The following KCNIP1 variants were observed in gnomAD, a reference collection of about 807,000 sequenced individuals.
The protein encoded by KCNIP1 is A-type potassium channel modulatory protein KCNIP1.
A neutral mutation model predicts 33.0 loss-of-function variants in KCNIP1; 18 were observed. The ratio of observed to expected loss-of-function variants is 0.55; its 90% CI spans 0.38 to 0.81. The LOEUF (loss-of-function observed/expected upper bound fraction) is 0.81, where lower values mean the gene tolerates loss of function less well. Ranked by LOEUF, KCNIP1 falls within the 30% of genes least tolerant of loss-of-function variation. The pLI is 0.00. For synonymous variants in KCNIP1, 93 were observed against 98.3 expected, an observed-to-expected ratio of 0.95 and a Z score of 0.32; for missense variants, 238 against 271.6, an observed-to-expected ratio of 0.88 and a Z score of 0.87.
At chr5:170,456,776 T>C (rs150734582) in intron 1 of KCNIP1, among the ~76,000 whole-genome samples, 2,406 of 143,848 alleles carry the variant, frequency 0.017, 68 homozygotes, top group African/African-American at 0.06. Flanking sequence ...TGGAGTGCAG[T>C]GGTGCAATCA....
chr5:170,704,920 CCT>C (rs1763207596), intron 1 of KCNIP1, among the ~76,000 whole-genome samples: 1 of 152,150 alleles, frequency 6.6e-6, no homozygotes, highest in Non-Finnish European at 1.5e-5. Flanking sequence ...GGCAGTATTT[CCT>C]CTTTTTATGA....
At chr5:170,499,688 A>G (rs971542767), upstream of KCNIP1, among the ~76,000 whole-genome samples, 1 of 152,108 alleles carries the variant, frequency 6.6e-6, no homozygotes, top group African/African-American at 2.4e-5. Flanking sequence ...GGGAGGAAGG[A>G]GGCAGCAGGG....
intron 4 of KCNIP1, 144 bp from the exon 5 acceptor site, chr5:170,722,569 C>T (rs2277952): frequency 0.74 from 493,549 of 668,782 alleles, 183,150 homozygotes; most frequent in East Asian, 0.84. Flanking sequence ...GAGCTCTTCA[C>T]AGAGCATAGC....
intron 1 of KCNIP1, among the ~76,000 whole-genome samples, chr5:170,676,556 C>T (rs191724736): frequency 6.2e-4 from 94 of 152,216 alleles, no homozygotes; most frequent in South Asian, 1.2e-3. Flanking sequence ...ATTTTAATAC[C>T]GACTGCAGCA....
intron 1 of KCNIP1, among the ~76,000 whole-genome samples, chr5:170,555,614 A>T (rs1756818683): frequency 6.6e-6 from 1 of 152,092 alleles, no homozygotes; most frequent in Non-Finnish European, 1.5e-5. Flanking sequence ...GCTCTGCCCC[A>T]AACAATTTGT....
chr5:170,565,931 T>C (rs893203184), intron 1 of KCNIP1, among the ~76,000 whole-genome samples: 2 of 152,234 alleles, frequency 1.3e-5, no homozygotes, highest in East Asian at 1.9e-4. Flanking sequence ...AAATGCAGGA[T>C]ATTATTAGCA....
At position 170,623,952 on chromosome 5, in the gene KCNIP1, G is replaced by A. The variant is rs376891740; in HGVS notation, c.62-94806G>A. ...CCAGCCTTCACTCCACGCCCAGCCA[G>A]CCCCAAGGAACCGACTCCCTGAGGC... On this transcript the variant is annotated intron_variant, in intron 1 of 7. Transcript: ENST00000328939. 1.1e-4 allele frequency among the ~76,000 whole-genome samples: 17 copies of A among 152,274 alleles called. No homozygotes were observed. In the South Asian group the frequency reaches 3.3e-3, roughly 30 times the overall value.
intron 1 of KCNIP1, among the ~76,000 whole-genome samples, chr5:170,625,483 C>T (rs113230996): frequency 6.6e-6 from 1 of 152,220 alleles, no homozygotes; most frequent in African/African-American, 2.4e-5. Context: ...TGGGCTGTGA[C>T]CTGCGGGGGC....
At chr5:170,644,737 G>T (rs1455762929) in intron 1 of KCNIP1, among the ~76,000 whole-genome samples, 1 of 152,206 alleles carries the variant, frequency 6.6e-6, no homozygotes, top group East Asian at 1.9e-4. Context: ...GCTCTGTAAG[G>T]CCCCCAGAAT....
At chr5:170,435,142 C>G (rs1416663890) in intron 1 of KCNIP1, among the ~76,000 whole-genome samples, 8 of 152,230 alleles carry the variant, frequency 5.3e-5, no homozygotes, top group African/African-American at 1.7e-4. Context: ...GGAGCCGGCC[C>G]TGGCCAGTTG....
intron 5 of KCNIP1, among the ~76,000 whole-genome samples, chr5:170,724,700 C>A (rs900317098): frequency 3.3e-5 from 5 of 151,998 alleles, no homozygotes; most frequent in Non-Finnish European, 7.4e-5. Context: ...AACAAGCAAC[C>A]AGAAAATTAA....
At chr5:170,552,387 T>A (rs1756680871) in intron 1 of KCNIP1, among the ~76,000 whole-genome samples, 1 of 152,122 alleles carries the variant, frequency 6.6e-6, no homozygotes, top group Non-Finnish European at 1.5e-5. Flanking sequence ...GGTCAGACAA[T>A]GACCAAGTAA....
chr5:170,475,846 C>G (rs1298050045), intron 1 of KCNIP1, among the ~76,000 whole-genome samples: 1 of 152,172 alleles, frequency 6.6e-6, no homozygotes, highest in Non-Finnish European at 1.5e-5. Flanking sequence ...ATTCCCAGCT[C>G]AGAGCCAAAT....
Position 170,473,275 on chromosome 5 carries a change from C to T in KCNIP1, c.88+119311C>T, listed in dbSNP as rs142546522. The stretch of plus-strand genomic sequence containing the variant: ...TGACATTTATTAAGTGCTTTGCAGA[C>T]GCTGTGCCAAGGATGTCATGTTGTC... On this transcript the variant is annotated intron_variant, in intron 1 of 7. Transcript: ENST00000377360. 1.3e-4 allele frequency among the ~76,000 whole-genome samples: 20 copies of T among 152,260 alleles called. No homozygotes were observed. In the East Asian group the frequency reaches 2.9e-3, roughly 22 times the overall value.
intron 1 of KCNIP1, among the ~76,000 whole-genome samples, chr5:170,597,947 T>C (rs1364362064): frequency 6.6e-6 from 1 of 152,056 alleles, no homozygotes; most frequent in Non-Finnish European, 1.5e-5. Flanking sequence ...TTGAAAACTC[T>C]GTCCGGAATT....
chr5:170,385,258 G>C, intron 1 of KCNIP1: 1 of 1,600,536 alleles, frequency 6.2e-7, no homozygotes, highest in Non-Finnish European at 8.6e-7. Flanking sequence ...GTTCCTTACA[G>C]ATGCCAGACC....
At chr5:170,662,726 T>A (rs1449884179) in intron 1 of KCNIP1, among the ~76,000 whole-genome samples, 1 of 152,174 alleles carries the variant, frequency 6.6e-6, no homozygotes, top group East Asian at 1.9e-4. Flanking sequence ...GAGAGTGGGG[T>A]CAGAAACACT....
At chr5:170,573,727 G>A (rs1199796317) in intron 1 of KCNIP1, among the ~76,000 whole-genome samples, 1 of 152,200 alleles carries the variant, frequency 6.6e-6, no homozygotes, top group African/African-American at 2.4e-5. Context: ...AAATAAAGTT[G>A]TATTGAGACA....
intron 1 of KCNIP1, among the ~76,000 whole-genome samples, chr5:170,390,502 C>CAAAA (rs1296285736): frequency 2.0e-4 from 7 of 35,778 alleles, no homozygotes; most frequent in South Asian, 6.9e-4. Flanking sequence ...GACCCCGTCT[C>CAAAA]AAAAAAAAAA....
Sources: allele counts gnomAD v4.1 joint callset (sites outside exome capture counted in the v4.1 genomes callset), GRCh38; gene constraint gnomAD v4.1.1; transcripts MANE v1.5; gene names NCBI Gene and HGNC (gene_info 2026-07-23, HGNC 2026-07-21).